The following SLCO1A2 variants were observed in gnomAD, a reference collection of about 807,000 sequenced individuals.
The protein encoded by SLCO1A2 is OATP-1.
SLCO1A2 carries 67 observed loss-of-function variants against 69.0 expected under a neutral mutation model. The ratio of observed to expected loss-of-function variants is 0.97; its 90% CI spans 0.80 to 1.19. SLCO1A2 has a LOEUF of 1.19. Among genes scored for constraint, SLCO1A2 ranks in the 50% most tolerant of loss-of-function variants. The pLI is 0.00. For synonymous variants in SLCO1A2, 260 were observed against 265.9 expected (o/e 0.98, Z 0.22); for missense variants, 787 against 793.7 (o/e 0.99, Z 0.10).
chr12:21,392,293 A>G (rs893104237), intron 1 of SLCO1A2, among the ~76,000 whole-genome samples: 3 of 152,164 alleles, frequency 2.0e-5, no homozygotes, highest in South Asian at 2.1e-4. Flanking sequence ...AAGAGCCCCA[A>G]AGTAGCTCTG....
intron 12 of SLCO1A2, among the ~76,000 whole-genome samples, chr12:21,290,699 CA>C (rs1013557470): frequency 1.8e-4 from 27 of 152,072 alleles, no homozygotes; most frequent in Middle Eastern, 3.4e-3. Context: ...GCGGGAAAGC[CA>C]GGGGGGAATA....
intron 2 of SLCO1A2, among the ~76,000 whole-genome samples, chr12:21,362,529 G>A (rs1016131826): frequency 6.6e-6 from 1 of 152,132 alleles, no homozygotes; most frequent in Admixed American, 6.5e-5. Flanking sequence ...ATAATGACAG[G>A]ATAAAATTCA....
intron 7 of SLCO1A2, 105 bp downstream of exon 7, chr12:21,301,066 C>A (rs1948650805): frequency 3.5e-6 from 2 of 578,086 alleles, no homozygotes; most frequent in Non-Finnish European, 2.8e-6. Context: ...AAGTAGAGAT[C>A]ATTTATCAAA....
chr12:21,368,324 A>T (rs896301702), intron 2 of SLCO1A2, among the ~76,000 whole-genome samples: 2 of 152,148 alleles, frequency 1.3e-5, no homozygotes, highest in Admixed American at 6.6e-5. Flanking sequence ...AAAATCCAGG[A>T]TGTGGGAAAT....
rs148923381 is a variant in SLCO1A2 at position 21,385,580 on chromosome 12, C to T, written c.-190+9326G>A. On this transcript the variant is annotated intron_variant, in intron 1 of 15. Transcript: ENST00000307378. ...GGGGTAAACTGTGAGGAAAGCAAAA[C>T]GGAAAAAGAGCAAAAGAGAAGGGCA... Among the ~76,000 whole-genome samples, 709 of 152,194 alleles carry T rather than the reference C, an allele frequency of 4.7e-3. 8 individuals carry two copies. Among genetic ancestry groups the T allele is most frequent in the African/African-American group, 0.017 (686 of 41,542 alleles).
chr12:21,348,057 C>CT (rs2137002990), intron 2 of SLCO1A2, among the ~76,000 whole-genome samples: 1 of 152,260 alleles, frequency 6.6e-6, no homozygotes, highest in South Asian at 2.1e-4. Flanking sequence ...TAGTCTTTCT[C>CT]TTTTTCCATA....
intron 3 of SLCO1A2, 136 bp from the exon 4 acceptor site, chr12:21,314,817 TTAAA>T (rs34765941): frequency 0.1 from 72,301 of 698,078 alleles, 4,546 homozygotes; most frequent in Non-Finnish European, 0.13. Context: ...TAGGGTTGCA[TTAAA>T]TAATAAATGA....
rs369523190 is a variant in SLCO1A2 at position 21,352,711 on chromosome 12, C to T, written c.-62-18002G>A. On this transcript the variant is annotated intron_variant, in intron 2 of 15. Transcript: ENST00000307378. ...TCCATCCACAGCCAAAAGCATAATG[C>T]GAGAAATATCTTCAATCCATTTATG... is the stretch of plus-strand genomic sequence containing the variant. 6.6e-5 allele frequency among the ~76,000 whole-genome samples: 10 copies of T among 152,268 alleles called. No individual in the cohort carries two copies. In the East Asian group the frequency reaches 1.4e-3, roughly 21 times the overall value.
intron 2 of SLCO1A2, among the ~76,000 whole-genome samples, chr12:21,361,300 C>A (rs988291242): frequency 3.3e-5 from 5 of 152,176 alleles, no homozygotes; most frequent in Admixed American, 3.3e-4. Flanking sequence ...CCAGCAAACT[C>A]CAACAGACCT....
intron 12 of SLCO1A2, among the ~76,000 whole-genome samples, chr12:21,276,085 A>C (rs1026882338): frequency 2.0e-5 from 3 of 152,206 alleles, no homozygotes; most frequent in African/African-American, 7.2e-5. Flanking sequence ...CAGTTAAATA[A>C]ATCTTGGAGG....
At chr12:21,289,777 G>C (rs992785729) in intron 12 of SLCO1A2, among the ~76,000 whole-genome samples, 14 of 151,788 alleles carry the variant, frequency 9.2e-5, no homozygotes, top group Admixed American at 2.6e-4. Context: ...AGCAGCCCAG[G>C]GTGTCTGGAC....
chr12:21,274,315 A>C, intron 14 of SLCO1A2, 154 bp downstream of exon 14: 1 of 517,884 alleles, frequency 1.9e-6, no homozygotes, highest in Admixed American at 3.2e-5. Flanking sequence ...TCTAGTATGC[A>C]AATAAGGAAT....
At chr12:21,306,307 G>A (rs955267819) in intron 5 of SLCO1A2, among the ~76,000 whole-genome samples, 2 of 151,858 alleles carry the variant, frequency 1.3e-5, no homozygotes, top group Non-Finnish European at 2.9e-5. Flanking sequence ...ACTTAACAGT[G>A]GTCCTTGGAT....
rs112130054 is a variant in SLCO1A2 at position 21,310,202 on chromosome 12, C to T, written c.336-3214G>A. ...ATAGACATATCTCAGAGACATTGCACGTTTGGTTCCAGATTGCCACAATAA... is the reference window on the plus strand; with the variant it reads ...ATAGACATATCTCAGAGACATTGCATGTTTGGTTCCAGATTGCCACAATAA... On this transcript the variant is annotated intron_variant, in intron 4 of 14. Transcript: ENST00000683939. Among the ~76,000 whole-genome samples the T allele has an allele frequency of 2.6e-5, 4 of 152,094 alleles. No homozygotes were observed. The East Asian group carries it at 7.7e-4, about 29-fold the overall frequency.
intron 2 of SLCO1A2, among the ~76,000 whole-genome samples, chr12:21,366,035 C>T (rs1218939086): frequency 3.3e-5 from 5 of 152,168 alleles, no homozygotes; most frequent in African/African-American, 9.7e-5. Flanking sequence ...TTGACCCAGC[C>T]ATCCCATTAC....
intron 2 of SLCO1A2, among the ~76,000 whole-genome samples, chr12:21,346,402 A>G (rs1179801818): frequency 6.6e-6 from 1 of 152,116 alleles, no homozygotes; most frequent in Non-Finnish European, 1.5e-5. Context: ...TTTACTGAGC[A>G]CGGGATACAG....
intron 8 of SLCO1A2, among the ~76,000 whole-genome samples, chr12:21,299,874 GTATA>G (rs199525542): frequency 5.9e-5 from 6 of 101,586 alleles, no homozygotes; most frequent in East Asian, 3.1e-4. Context: ...ATACGTGTGT[GTATA>G]TATATATACG....
rs12581327 is a variant in SLCO1A2 at position 21,265,049 on chromosome 12, C to G, written c.*4499G>C. The G allele has an allele frequency of 0.025, 3,849 of 152,352 alleles. 416 individuals are homozygous for G. The East Asian group carries it at 0.35, about 14-fold the overall frequency. The allele number at this position is 152,352 out of a possible 1,614,324, so 9.4% of individuals were successfully genotyped here. On this transcript the variant is annotated 3_prime_UTR_variant, in exon 15 of 15. Coordinates refer to ENST00000683939, the MANE Select transcript of SLCO1A2 (RefSeq NM_001386879.1). ...AGGGATGGCAGAATTTTATCTGGAG[C>G]CTTTCACATGGAAGGAAGTTTTGTG... is the stretch of plus-strand genomic sequence containing the variant.
At chr12:21,275,025 T>C in intron 13 of SLCO1A2, 1 of 1,018,644 alleles carries the variant, frequency 9.8e-7, no homozygotes, top group South Asian at 4.2e-5. Flanking sequence ...TAACGTGCTT[T>C]TTACATACAG....
Sources: gnomAD v4.1 joint callset for allele counts (sites outside exome capture counted in the v4.1 genomes callset) on GRCh38, gnomAD v4.1.1 for gene constraint, MANE v1.5 for transcripts, NCBI Gene and HGNC (gene_info 2026-07-23, HGNC 2026-07-21) for gene names.